The following SLC41A3 variants were observed in gnomAD, a reference collection of about 807,000 sequenced individuals.
SLC41A3 encodes the protein SLC41A1-like 2.
SLC41A3 carries 44 observed loss-of-function variants against 45.4 expected under a neutral mutation model. The ratio of observed to expected loss-of-function variants is 0.97; its 90% confidence interval spans 0.76 to 1.25. The LOEUF (loss-of-function observed/expected upper bound fraction) is 1.25. SLC41A3 is among the 50% of genes most tolerant of loss of function. The probability of loss-of-function intolerance (pLI) is 0.00; values close to 1 mark genes in which losing one functional copy is unlikely to be tolerated. For missense variants in SLC41A3, 550 were observed against 600.6 expected, an observed-to-expected ratio of 0.92 and a Z score of 0.88; for synonymous variants, 256 against 252.4, an observed-to-expected ratio of 1.01 and a Z score of -0.13.
chr3:126,091,779 A>G (rs966472725), intron 1 of SLC41A3, among the ~76,000 whole-genome samples: 1 of 152,228 alleles, frequency 6.6e-6, no homozygotes, highest in African/African-American at 2.4e-5. Context: ...AATATGTCAA[A>G]GAAATACATT....
intron 2 of SLC41A3, among the ~76,000 whole-genome samples, chr3:126,055,904 T>TGCCCA (rs1943628267): frequency 6.6e-6 from 1 of 152,170 alleles, no homozygotes; most frequent in Non-Finnish European, 1.5e-5. Context: ...ACTGCAGCTC[T>TGCCCA]GCCCACAGGG....
At chr3:126,012,041 T>C (rs55953450) in intron 9 of SLC41A3, among the ~76,000 whole-genome samples, 10 of 152,356 alleles carry the variant, frequency 6.6e-5, no homozygotes, top group African/African-American at 9.6e-5. Context: ...CCGGCCTCTC[T>C]GGCCTCAGCC....
chr3:126,094,515 G>A (rs1057385831), intron 1 of SLC41A3, among the ~76,000 whole-genome samples: 2 of 152,148 alleles, frequency 1.3e-5, no homozygotes, highest in African/African-American at 4.8e-5. Flanking sequence ...ACTGACTTAA[G>A]AGCCATCAAT....
chr3:126,059,283 A>AGAGAGAAAG (rs1491503687), intron 2 of SLC41A3, among the ~76,000 whole-genome samples: 4 of 131,794 alleles, frequency 3.0e-5, no homozygotes, highest in Admixed American at 7.4e-5. Context: ...AGAAAGAAAG[A>AGAGAGAAAG]AAGAAAGAAA....
At chr3:126,015,803 C>T (rs9862376) in intron 7 of SLC41A3, among the ~76,000 whole-genome samples, 9,361 of 152,248 alleles carry the variant, frequency 0.061, 687 homozygotes, top group African/African-American at 0.18. Context: ...GAAGGCCATC[C>T]GAGAACACCC....
chr3:126,012,554 C>A, intron 9 of SLC41A3, 61 bp downstream of exon 9: 1 of 1,599,816 alleles, frequency 6.3e-7, no homozygotes, highest in Non-Finnish European at 8.5e-7. Context: ...ATTCCAATGA[C>A]ACCGATGTTT....
At chr3:126,014,237 C>T (rs901012463) in intron 8 of SLC41A3, among the ~76,000 whole-genome samples, 7 of 152,028 alleles carry the variant, frequency 4.6e-5, no homozygotes, top group Non-Finnish European at 8.8e-5. Context: ...GCGATCTATT[C>T]GGCTTGGCCC....
chr3:126,029,485 A>G (rs888982883), intron 4 of SLC41A3, among the ~76,000 whole-genome samples: 3 of 150,366 alleles, frequency 2.0e-5, no homozygotes, highest in Non-Finnish European at 2.9e-5. Context: ...AGATCCCAGT[A>G]TCATGCTTCC....
chr3:126,032,887 C>T (rs773503954), intron 4 of SLC41A3, among the ~76,000 whole-genome samples: 25 of 152,208 alleles, frequency 1.6e-4, no homozygotes, highest in Non-Finnish European at 2.4e-4. Context: ...ACCACCCCAA[C>T]TCAGAGAGGC....
At chr3:126,094,787 C>A (rs938876000) in intron 1 of SLC41A3, among the ~76,000 whole-genome samples, 1 of 152,196 alleles carries the variant, frequency 6.6e-6, no homozygotes, top group African/African-American at 2.4e-5. Context: ...TTTCCAGACT[C>A]CCTATAAAAA....
chr3:126,020,997 C>T (rs1940814880), intron 6 of SLC41A3, among the ~76,000 whole-genome samples: 1 of 152,052 alleles, frequency 6.6e-6, no homozygotes, highest in African/African-American at 2.4e-5. Context: ...CAGGTTCACG[C>T]CATTCTCCTG....
intron 1 of SLC41A3, among the ~76,000 whole-genome samples, chr3:126,099,407 A>G (rs1299489681): frequency 6.6e-6 from 1 of 152,246 alleles, no homozygotes; most frequent in Non-Finnish European, 1.5e-5. Context: ...ATTTCATTAG[A>G]GGATTTAAAG....
intron 2 of SLC41A3, among the ~76,000 whole-genome samples, chr3:126,063,688 C>T (rs1457013163): frequency 6.6e-6 from 1 of 152,198 alleles, no homozygotes; most frequent in African/African-American, 2.4e-5. Flanking sequence ...ACACACAAGG[C>T]CTCAGCCAGT....
At chr3:126,086,190 C>A (rs1290768634), upstream of SLC41A3, among the ~76,000 whole-genome samples, 1 of 152,084 alleles carries the variant, frequency 6.6e-6, no homozygotes, top group Non-Finnish European at 1.5e-5. Context: ...TTTTATGGTG[C>A]GTCTACTTGC....
At chr3:126,051,114 T>C in intron 2 of SLC41A3, 64 bp from the exon 3 acceptor site, 1 of 1,459,064 alleles carries the variant, frequency 6.9e-7, no homozygotes, top group Non-Finnish European at 9.1e-7. Flanking sequence ...GGAAATTTCT[T>C]GAGAGAACCT....
chr3:126,040,488 C>T (rs143478224), intron 3 of SLC41A3, among the ~76,000 whole-genome samples: 98 of 152,270 alleles, frequency 6.4e-4, no homozygotes, highest in Middle Eastern at 3.4e-3. Flanking sequence ...GGGGATAATG[C>T]GAGCAGAAGG....
At chr3:126,013,666 C>T (rs1939957914) in intron 8 of SLC41A3, among the ~76,000 whole-genome samples, 2 of 152,074 alleles carry the variant, frequency 1.3e-5, no homozygotes, top group South Asian at 4.2e-4. Context: ...GGACACCTCT[C>T]ATGGCTGTGT....
intron 3 of SLC41A3, among the ~76,000 whole-genome samples, chr3:126,034,929 C>T (rs1942073527): frequency 6.6e-6 from 1 of 152,212 alleles, no homozygotes; most frequent in African/African-American, 2.4e-5. Flanking sequence ...CCTGTACAGC[C>T]CACGTGGCAG....
chr3:126,059,291 AAAGAAAGAAAGAAAGAAAGGAAG>A (rs1559869907), intron 2 of SLC41A3, among the ~76,000 whole-genome samples: 58 of 121,302 alleles, frequency 4.8e-4, no homozygotes, highest in African/African-American at 1.4e-3. Flanking sequence ...AGAAAGAAAG[AAAGAAAGAAAGAAAGAAAGGAAG>A]GATGATCTGT....
Sources: gnomAD v4.1 joint callset for allele counts (sites outside exome capture counted in the v4.1 genomes callset) on GRCh38, gnomAD v4.1.1 for gene constraint, MANE v1.5 for transcripts, NCBI Gene and HGNC (gene_info 2026-07-23, HGNC 2026-07-21) for gene names.